Variants in RBM39 observed in about 807,000 individuals in gnomAD.
The protein encoded by RBM39 is RNA-binding protein 39.
RBM39 carries 12 observed loss-of-function variants against 79.6 expected under a neutral mutation model. The observed-to-expected ratio is 0.15, with a 90% CI of 0.10 to 0.24. The LOEUF (loss-of-function observed/expected upper bound fraction) is 0.24, where lower values mean the gene tolerates loss of function less well. RBM39 is among the 10% of genes least tolerant of loss of function. The probability of loss-of-function intolerance (pLI) is 1.00; values close to 1 mark genes in which losing one functional copy is unlikely to be tolerated. For missense variants in RBM39, 243 were observed against 653.4 expected (o/e 0.37, Z 6.85); for synonymous variants, 185 against 208.4 (o/e 0.89, Z 0.97).
At chr20:35,707,273 G>T in intron 13 of RBM39, 72 bp from the exon 14 acceptor site, 1 of 1,103,032 alleles carries the variant, frequency 9.1e-7, no homozygotes, top group South Asian at 1.5e-5. Context: ...ACTTTAAAAC[G>T]AAACCAAAAA....
chr20:35,706,743 C>T (rs2035774829), intron 14 of RBM39, among the ~76,000 whole-genome samples: 1 of 151,866 alleles, frequency 6.6e-6, no homozygotes. Flanking sequence ...TACGGAAATA[C>T]CAGGCCGGGC....
chr20:35,722,458 CT>C (rs72430622), intron 8 of RBM39, among the ~76,000 whole-genome samples: 2,513 of 116,372 alleles, frequency 0.022, 31 homozygotes, highest in African/African-American at 0.052. Context: ...TATTTAGAGG[CT>C]TTTTTTTTTT....
At chr20:35,724,427 A>C (rs970297555) in intron 8 of RBM39, 143 bp downstream of exon 8, 3 of 707,900 alleles carry the variant, frequency 4.2e-6, no homozygotes, top group Middle Eastern at 4.4e-4. Flanking sequence ...TAATAAACGC[A>C]AAGTTAAAAA....
intron 10 of RBM39, among the ~76,000 whole-genome samples, chr20:35,715,905 A>G (rs910557417): frequency 3.3e-5 from 5 of 152,088 alleles, no homozygotes; most frequent in African/African-American, 9.7e-5. Flanking sequence ...TCCAAGTGAC[A>G]CACCTGCTCC....
At chr20:35,727,062 T>C (rs752279988) in intron 6 of RBM39, among the ~76,000 whole-genome samples, 4 of 151,958 alleles carry the variant, frequency 2.6e-5, no homozygotes, top group Admixed American at 6.6e-5. Context: ...CCTGACCTTA[T>C]TGTTACAGGC....
intron 13 of RBM39, chr20:35,708,917 C>T: frequency 4.3e-6 from 1 of 235,098 alleles, no homozygotes; most frequent in East Asian, 9.9e-5. Context: ...CATTTCCTGA[C>T]TTCTATATGC....
At chr20:35,729,400 CA>C (rs765017785) in intron 5 of RBM39, 35 bp from the exon 6 acceptor site, 15 of 1,604,114 alleles carry the variant, frequency 9.4e-6, no homozygotes, top group Non-Finnish European at 1.3e-5. Flanking sequence ...GTTATCCAAA[CA>C]AGTACAGCAT....
chr20:35,711,390 T>C (rs1455034504), intron 12 of RBM39, among the ~76,000 whole-genome samples: 1 of 152,206 alleles, frequency 6.6e-6, no homozygotes, highest in Non-Finnish European at 1.5e-5. Flanking sequence ...AATTACTCAC[T>C]GTAAAGGATC....
At chr20:35,715,873 CCT>C (rs2037056455) in intron 10 of RBM39, among the ~76,000 whole-genome samples, 1 of 129,480 alleles carries the variant, frequency 7.7e-6, no homozygotes, top group Non-Finnish European at 1.6e-5. Flanking sequence ...AGGATGTCTT[CCT>C]CTCTCTTCCT....
rs1214268457 is a variant in RBM39, at chr20:35,709,012, A to T, written c.1225+212T>A. The T allele has an allele frequency of 6.6e-5, 29 of 441,610 alleles. No homozygotes were observed. The East Asian group carries it at 1.0e-3, about 16-fold the overall frequency. The allele number at this position is 441,610 out of a possible 1,614,324, so 27.4% of individuals were successfully genotyped here. ...TAAGCAAACTAAAGCAAAAAAAAAA[A>T]TTGTTATTTTGATTTTTTTTAAGTC... On this transcript the variant is annotated intron_variant, in intron 13 of 16. Transcript: ENST00000253363.
In RBM39 at chr20:35,702,293, C is replaced by G. The variant is rs2035319391; in HGVS notation, c.*2188G>C. ...ACCAGATTAGTTACAGATTTTCGAACCAGTGGGATGCTGACTCAGGAACTG... is the reference window on the plus strand; with the variant it reads ...ACCAGATTAGTTACAGATTTTCGAAGCAGTGGGATGCTGACTCAGGAACTG... On this transcript the variant is annotated 3_prime_UTR_variant, in exon 17 of 17. Coordinates refer to ENST00000253363, the MANE Select transcript of RBM39 (RefSeq NM_184234.3). 1 of 152,230 alleles carries G rather than the reference C, an allele frequency of 6.6e-6. No individual in the cohort carries two copies. The highest frequency in any genetic ancestry group is 1.5e-5 in the Non-Finnish European group (1 of 68,062). The allele number at this position is 152,230 out of a possible 1,614,324, so 9.4% of individuals were successfully genotyped here.
chr20:35,734,910 C>A, intron 3 of RBM39: 1 of 1,570,726 alleles, frequency 6.4e-7, no homozygotes, highest in East Asian at 2.3e-5. Context: ...AGGGACTTTC[C>A]AAAGTCTTTA....
intron 9 of RBM39, among the ~76,000 whole-genome samples, chr20:35,721,290 A>C (rs1278181779): frequency 6.6e-6 from 1 of 152,198 alleles, no homozygotes; most frequent in Non-Finnish European, 1.5e-5. Flanking sequence ...CTTTTAAAAA[A>C]AATCCTACTA....
At chr20:35,739,380 C>T in intron 2 of RBM39, 1 of 472,386 alleles carries the variant, frequency 2.1e-6, no homozygotes, top group Non-Finnish European at 4.4e-6. Flanking sequence ...GCTATGGTCC[C>T]TTTGGTCAGT....
intron 2 of RBM39, chr20:35,739,429 G>A (rs941853178): frequency 6.4e-6 from 3 of 471,482 alleles, no homozygotes; most frequent in Non-Finnish European, 1.3e-5. Context: ...AAGTGGCCAT[G>A]CTAGCAGCCA....
In RBM39 at chr20:35,732,057, G is replaced by A; in HGVS notation, c.180C>T (p.Asp60=). The change falls in exon 4 of 17, where the codon GAC becomes GAT. Residue 60 remains aspartate, a synonymous_variant. Coordinates refer to ENST00000253363, the MANE Select transcript of RBM39 (RefSeq NM_184234.3). ...SKSKERKRSR[D]RERKKSKSRE... The stretch of plus-strand genomic sequence containing the variant: ...GGCTTTTGCTCTTTTTCCTTTCTCT[G>A]TCTCTACTTCGCTTCCGTTCCTTAC... 1 of 1,613,598 alleles carries A rather than the reference G, an allele frequency of 6.2e-7. No individual in the cohort carries two copies. Among genetic ancestry groups the A allele is most frequent in the South Asian group, 1.1e-5 (1 of 91,056 alleles).
intron 3 of RBM39, chr20:35,734,930 A>C: frequency 6.3e-7 from 1 of 1,584,354 alleles, no homozygotes; most frequent in Non-Finnish European, 8.5e-7. Flanking sequence ...AATGGCAGTG[A>C]AATTTTGTAC....
chr20:35,723,500 G>A (rs570816632), intron 8 of RBM39, among the ~76,000 whole-genome samples: 6 of 152,258 alleles, frequency 3.9e-5, no homozygotes, highest in African/African-American at 9.6e-5. Context: ...GTGCAATGGC[G>A]TGATCTTGCC....
intron 8 of RBM39, among the ~76,000 whole-genome samples, chr20:35,722,850 C>T (rs1028296964): frequency 4.0e-5 from 6 of 151,220 alleles, no homozygotes; most frequent in African/African-American, 1.5e-4. Flanking sequence ...AGGAGAATGG[C>T]GTGAACCCAG....
Sources: gnomAD v4.1 joint callset for allele counts (sites outside exome capture counted in the v4.1 genomes callset) on GRCh38, gnomAD v4.1.1 for gene constraint, MANE v1.5 for transcripts, NCBI Gene and HGNC (gene_info 2026-07-23, HGNC 2026-07-21) for gene names.